RSPH3: variants seen among roughly 807,000 people sequenced by gnomAD.
The protein encoded by RSPH3 is radial spoke head 3.
Under a neutral mutation model 43.8 loss-of-function variants are expected in RSPH3, and 21 were observed. The observed-to-expected ratio is 0.48, with a 90% CI of 0.34 to 0.69. The LOEUF (loss-of-function observed/expected upper bound fraction) is 0.69. Ranked by LOEUF, RSPH3 falls within the 30% of genes least tolerant of loss-of-function variation. The probability of loss-of-function intolerance (pLI) is 0.01; values close to 1 mark genes in which losing one functional copy is unlikely to be tolerated. For missense variants in RSPH3, 487 were observed against 516.0 expected (o/e 0.94, Z 0.54); for synonymous variants, 173 against 179.8 (o/e 0.96, Z 0.30).
chr6:158,976,324 T>G lies in RSPH3; in HGVS notation c.*1214A>C, dbSNP rs987407092. 12 of 152,252 alleles carry G rather than the reference T, an allele frequency of 7.9e-5. No homozygotes were observed. Among genetic ancestry groups the G allele is most frequent in the African/African-American group, 2.9e-4 (12 of 41,476 alleles). The allele number at this position is 152,252 out of a possible 1,614,324, so 9.4% of individuals were successfully genotyped here. A position where few individuals can be genotyped will look rare whatever the true frequency, so the allele number is the denominator to read the frequency against. ...ATTTTAATACTGCAGGTAAATTCTCTAACACATTCAGATTAAAAAGTCAAA... is the reference window on the plus strand; with the variant it reads ...ATTTTAATACTGCAGGTAAATTCTCGAACACATTCAGATTAAAAAGTCAAA... On this transcript the variant is annotated 3_prime_UTR_variant, in exon 8 of 8. Coordinates refer to ENST00000367069, the MANE Select transcript of RSPH3 (RefSeq NM_031924.8).
chr6:158,977,785 T>A lies in RSPH3; in HGVS notation c.1010A>T (p.Gln337Leu). 6.2e-7 allele frequency: 1 copy of A among 1,614,196 alleles called. No individual in the cohort carries two copies. The highest frequency in any genetic ancestry group is 8.5e-7 in the Non-Finnish European group (1 of 1,180,016). Residue 337 changes from glutamine to leucine, a missense_variant, in exon 8 of 8, where the codon CAG becomes CTG. Gln to Leu is a moderately radical substitution (Grantham distance 113). Transcript: ENST00000367069. ...CMYEHGEDTH[Q>L]SPEPEDEPGG... The stretch of plus-strand genomic sequence containing the variant: ...AGGCTCATCCTCGGGTTCTGGAGAC[T>A]GATGTGTGTCTTCCCCATGCTCATA...
the RSPH3 span, among the ~76,000 whole-genome samples, chr6:158,967,413 C>T: frequency 6.6e-6 from 1 of 152,068 alleles, no homozygotes; most frequent in African/African-American, 2.4e-5. Flanking sequence ...ATTTCCCAAA[C>T]TTCTTTTTAT....
rs56278154 is a variant in RSPH3, at chr6:159,000,151, C to A, written c.-601G>T. Reference sequence around the variant, plus strand: ...CGCTCCCAGGCTGCCCCCGCGATAACACGCCCCTGGCAGCCAGGCTCCCAG... The same window carrying A: ...CGCTCCCAGGCTGCCCCCGCGATAAAACGCCCCTGGCAGCCAGGCTCCCAG... On this transcript the variant is annotated 5_prime_UTR_variant, in exon 1 of 8. Transcript: ENST00000367069. 13,101 of 645,246 alleles carry A rather than the reference C, an allele frequency of 0.02. 174 individuals are homozygous for A. Among genetic ancestry groups the A allele is most frequent in the Non-Finnish European group, 0.024 (9,387 of 397,998 alleles). The allele number at this position is 645,246 out of a possible 1,614,324, so 40.0% of individuals were successfully genotyped here. A position where few individuals can be genotyped will look rare whatever the true frequency, so the allele number is the denominator to read the frequency against.
At chr6:158,985,692 G>C (rs550154727) in intron 3 of RSPH3, among the ~76,000 whole-genome samples, 1 of 151,864 alleles carries the variant, frequency 6.6e-6, no homozygotes, top group Non-Finnish European at 1.5e-5. Flanking sequence ...TGGGATTACA[G>C]ATGTGAGCCA....
rs939533661 is a variant in RSPH3 at position 158,989,608 on chromosome 6, A to C, written c.205-3187T>G. 6.6e-6 allele frequency among the ~76,000 whole-genome samples: 1 copy of C among 152,138 alleles called. No individual in the cohort carries two copies. The highest frequency in any genetic ancestry group is 1.5e-5 in the Non-Finnish European group (1 of 68,016). ...GGTTGAGTTATACAGCAGAGTGTCC[A>C]GGGCTGGAGATGGTAGTCTCACCTC... On this transcript the variant is annotated intron_variant, in intron 2 of 7. Coordinates refer to ENST00000367069, the MANE Select transcript of RSPH3 (RefSeq NM_031924.8). This position sits in a 1 kb window ranked among gnomAD's most constrained non-coding sequence, Gnocchi z 4.3.
At chr6:158,963,906 A>G in the RSPH3 span, among the ~76,000 whole-genome samples, 1 of 152,214 alleles carries the variant, frequency 6.6e-6, no homozygotes, top group African/African-American at 2.4e-5. Flanking sequence ...CCTCAATAAA[A>G]TAAAATGGAA....
In RSPH3 at chr6:158,977,713, A is replaced by G. The variant is rs138781661; in HGVS notation, c.1082T>C (p.Leu361Pro). The stretch of plus-strand genomic sequence containing the variant: ...CCGTGTCTGTGACATGCTCTGCTCC[A>G]GGAATTCAGAGGCCTCCAGTGACTC... ...MTESLEASEF[L>P]EQSMSQTREL... The change falls in exon 8 of 8, where the codon CTG becomes CCG. Residue 361 changes from leucine (L) to proline (P), a missense_variant. Leu to Pro is a moderately conservative substitution (Grantham distance 98). Coordinates refer to ENST00000367069, the MANE Select transcript of RSPH3 (RefSeq NM_031924.8). 1.2e-6 allele frequency: 2 copies of G among 1,614,160 alleles called. No individual in the cohort carries two copies. Among genetic ancestry groups the G allele is most frequent in the Non-Finnish European group, 1.7e-6 (2 of 1,180,008 alleles).
At chr6:158,963,054 C>T in the RSPH3 span, among the ~76,000 whole-genome samples, 2 of 152,124 alleles carry the variant, frequency 1.3e-5, no homozygotes, top group Non-Finnish European at 2.9e-5. Context: ...AGCAGTAGGA[C>T]ATCATTAAAT....
At chr6:158,981,316 T>C (rs1365833768) in intron 5 of RSPH3, among the ~76,000 whole-genome samples, 2 of 152,224 alleles carry the variant, frequency 1.3e-5, no homozygotes, top group Non-Finnish European at 2.9e-5. Flanking sequence ...TCATTTGTAA[T>C]AATTCCCTGA....
At chr6:158,964,786 G>A in the RSPH3 span, among the ~76,000 whole-genome samples, 5 of 151,992 alleles carry the variant, frequency 3.3e-5, no homozygotes, top group Non-Finnish European at 2.9e-5. Flanking sequence ...CTTTCTTGAT[G>A]GTGTCCTTTG....
chr6:158,989,700 G>A lies in RSPH3; in HGVS notation c.205-3279C>T, dbSNP rs1778344746. Reference sequence around the variant, plus strand: ...CAGGAACTCATGATGCTTCTGGTGGGTTGAATTTCCTGCCAGGAAACCCAA... The same window carrying A: ...CAGGAACTCATGATGCTTCTGGTGGATTGAATTTCCTGCCAGGAAACCCAA... On this transcript the variant is annotated intron_variant, in intron 2 of 7. Transcript: ENST00000367069. This position sits in a 1 kb window ranked among gnomAD's most constrained non-coding sequence, Gnocchi z 4.3. Among the ~76,000 whole-genome samples the A allele has an allele frequency of 6.6e-6, 1 of 152,124 alleles. No individual in the cohort carries two copies. Among genetic ancestry groups the A allele is most frequent in the Non-Finnish European group, 1.5e-5 (1 of 68,018 alleles).
rs1250698146 is a variant in RSPH3, at chr6:158,980,763, T to C, written c.859+11A>G. The C allele has an allele frequency of 1.2e-6, 2 of 1,603,774 alleles. No homozygotes were observed. The highest frequency in any genetic ancestry group is 8.5e-7 in the Non-Finnish European group (1 of 1,171,764). On this transcript the variant is annotated intron_variant, in intron 6 of 7. Coordinates refer to ENST00000367069, the MANE Select transcript of RSPH3 (RefSeq NM_031924.8). Reference sequence around the variant, plus strand: ...TACAACAAAATTAATCTAACAAAAATATCTACAAACCTCTTTCAATGGGAT... The same window carrying C: ...TACAACAAAATTAATCTAACAAAAACATCTACAAACCTCTTTCAATGGGAT...
At chr6:158,969,798 A>T (rs199900513), downstream of RSPH3, among the ~76,000 whole-genome samples, 17 of 152,348 alleles carry the variant, frequency 1.1e-4, no homozygotes, top group East Asian at 3.3e-3. Flanking sequence ...GGCCCTGAAG[A>T]AAATTTATCA....
intron 2 of RSPH3, among the ~76,000 whole-genome samples, chr6:158,992,879 T>A (rs1778463361): frequency 6.6e-6 from 1 of 152,148 alleles, no homozygotes. Flanking sequence ...TCAATAAATA[T>A]TTGTTGAGTG....
At chr6:158,982,348 G>A (rs1778060345) in intron 5 of RSPH3, 137 bp downstream of exon 5, 1 of 586,272 alleles carries the variant, frequency 1.7e-6, no homozygotes, top group Non-Finnish European at 2.9e-6. Flanking sequence ...AGAGACTTGA[G>A]CAAAAATACT....
downstream of RSPH3, among the ~76,000 whole-genome samples, chr6:158,970,483 G>A (rs2128603607): frequency 6.6e-6 from 1 of 152,102 alleles, no homozygotes; most frequent in African/African-American, 2.4e-5. Flanking sequence ...GCTCTTTTCT[G>A]GGCATGCATG....
At chr6:158,966,365 C>T in the RSPH3 span, among the ~76,000 whole-genome samples, 1 of 152,080 alleles carries the variant, frequency 6.6e-6, no homozygotes, top group South Asian at 2.1e-4. Context: ...GGGAACTGTT[C>T]CCCTCTTCTT....
intron 1 of RSPH3, among the ~76,000 whole-genome samples, chr6:158,994,259 G>T (rs1238970255): frequency 6.6e-6 from 1 of 152,130 alleles, no homozygotes; most frequent in Non-Finnish European, 1.5e-5. Flanking sequence ...TTGTAAATCT[G>T]TATGACTTTA....
intron 6 of RSPH3, among the ~76,000 whole-genome samples, chr6:158,978,716 T>C (rs1039631679): frequency 6.6e-6 from 1 of 152,042 alleles, no homozygotes. Flanking sequence ...AATTTTTGTA[T>C]TTTTAGTAGA....
Sources: gnomAD v4.1 joint callset for allele counts (sites outside exome capture counted in the v4.1 genomes callset) on GRCh38, gnomAD v4.1.1 for gene constraint, Gnocchi (gnomAD v3.1) non-coding constraint, MANE v1.5 for transcripts, NCBI Gene and HGNC (gene_info 2026-07-23, HGNC 2026-07-21) for gene names.